HS6ST3: variants seen among roughly 807,000 people sequenced by gnomAD.
HS6ST3 encodes the protein heparan-sulfate 6-O-sulfotransferase 3.
Under a neutral mutation model 36.7 loss-of-function variants are expected in HS6ST3, and 12 were observed. The ratio of observed to expected loss-of-function variants is 0.33; its 90% CI spans 0.21 to 0.53. HS6ST3 has a LOEUF of 0.53. Among genes scored for constraint, HS6ST3 ranks in the 20% least tolerant of loss-of-function variants. The probability of loss-of-function intolerance (pLI) is 0.95; values close to 1 mark genes in which losing one functional copy is unlikely to be tolerated. For missense variants in HS6ST3, 584 were observed against 640.9 expected (o/e 0.91, Z 0.96); for synonymous variants, 240 against 257.5 (o/e 0.93, Z 0.65).
chr13:96,260,855 G>T (rs543486006), intron 1 of HS6ST3, among the ~76,000 whole-genome samples: 1 of 151,900 alleles, frequency 6.6e-6, no homozygotes, highest in Admixed American at 6.6e-5. Flanking sequence ...GGCCAGGCTG[G>T]TCGCGAACTT....
intron 1 of HS6ST3, among the ~76,000 whole-genome samples, chr13:96,473,683 G>A (rs1429982405): frequency 6.6e-6 from 1 of 152,154 alleles, no homozygotes; most frequent in Non-Finnish European, 1.5e-5. Context: ...TGCAGATGAT[G>A]GATGGCACTT....
intron 1 of HS6ST3, among the ~76,000 whole-genome samples, chr13:96,737,554 A>G (rs1033978705): frequency 2.1e-5 from 3 of 143,310 alleles, no homozygotes. Context: ...GAACCCGGGA[A>G]GCGGAGCTTG....
At chr13:96,815,631 A>G (rs544135438) in intron 1 of HS6ST3, among the ~76,000 whole-genome samples, 6 of 152,016 alleles carry the variant, frequency 3.9e-5, no homozygotes, top group Admixed American at 1.3e-4. Context: ...TCATTTAATC[A>G]CTCAATTTCT....
At chr13:96,603,129 A>C (rs371156153) in intron 1 of HS6ST3, among the ~76,000 whole-genome samples, 2 of 152,124 alleles carry the variant, frequency 1.3e-5, no homozygotes, top group Non-Finnish European at 2.9e-5. Context: ...CCTTCTCCAC[A>C]ATGCATTTTC....
intron 1 of HS6ST3, among the ~76,000 whole-genome samples, chr13:96,176,372 TAATA>T (rs1017472089): frequency 7.2e-5 from 11 of 152,142 alleles, no homozygotes; most frequent in Non-Finnish European, 5.9e-5. Context: ...GTATTCTAGA[TAATA>T]AATGGAGGAA....
intron 1 of HS6ST3, among the ~76,000 whole-genome samples, chr13:96,569,715 C>T (rs528758008): frequency 4.6e-5 from 7 of 152,148 alleles, no homozygotes; most frequent in Admixed American, 1.3e-4. Context: ...TGGTTGAATA[C>T]TCTAGCTGAA....
intron 1 of HS6ST3, among the ~76,000 whole-genome samples, chr13:96,535,598 G>A (rs2056152416): frequency 6.6e-6 from 1 of 151,866 alleles, no homozygotes; most frequent in Non-Finnish European, 1.5e-5. Context: ...TGAAATCTAG[G>A]TAGGGTTTGA....
intron 1 of HS6ST3, among the ~76,000 whole-genome samples, chr13:96,333,157 GACCAC>G (rs2055081171): frequency 6.6e-6 from 1 of 152,156 alleles, no homozygotes; most frequent in Non-Finnish European, 1.5e-5. Context: ...ACATTTATTT[GACCAC>G]ATCTACTTAA....
intron 1 of HS6ST3, among the ~76,000 whole-genome samples, chr13:96,564,319 A>G (rs1487539530): frequency 6.6e-6 from 1 of 152,180 alleles, no homozygotes; most frequent in African/African-American, 2.4e-5. Flanking sequence ...TGTCTTATAA[A>G]ATTACTTGAC....
At chr13:96,375,341 TG>T (rs1362556782) in intron 1 of HS6ST3, among the ~76,000 whole-genome samples, 1 of 152,204 alleles carries the variant, frequency 6.6e-6, no homozygotes, top group Admixed American at 6.5e-5. Flanking sequence ...TTTCTTGTTT[TG>T]TTTTTACTGT....
At chr13:96,437,013 A>T (rs527686244) in intron 1 of HS6ST3, among the ~76,000 whole-genome samples, 116 of 152,196 alleles carry the variant, frequency 7.6e-4, no homozygotes, top group Non-Finnish European at 1.4e-3. Flanking sequence ...TTCCTCACAA[A>T]TTCAATGGGG....
chr13:96,627,272 G>A (rs1241481490), intron 1 of HS6ST3, among the ~76,000 whole-genome samples: 2 of 151,970 alleles, frequency 1.3e-5, no homozygotes, highest in African/African-American at 4.8e-5. Context: ...ATGCTTTTGT[G>A]CATCTGCGTA....
At chr13:96,105,178 C>T (rs2053836016) in intron 1 of HS6ST3, among the ~76,000 whole-genome samples, 1 of 151,826 alleles carries the variant, frequency 6.6e-6, no homozygotes, top group Non-Finnish European at 1.5e-5. Context: ...TGTGCTGTCA[C>T]ACCCATGATG....
intron 1 of HS6ST3, among the ~76,000 whole-genome samples, chr13:96,541,649 T>A (rs1476219580): frequency 2.6e-5 from 4 of 152,132 alleles, no homozygotes; most frequent in Non-Finnish European, 5.9e-5. Context: ...AATGATAACT[T>A]TACTGAGAAG....
chr13:96,637,630 A>T (rs185805646), intron 1 of HS6ST3, among the ~76,000 whole-genome samples: 77 of 152,260 alleles, frequency 5.1e-4, no homozygotes, highest in African/African-American at 1.7e-3. Context: ...TAGAAGTTAC[A>T]TGGTAATTGG....
At chr13:96,257,357 G>C (rs1304712185) in intron 1 of HS6ST3, among the ~76,000 whole-genome samples, 1 of 152,136 alleles carries the variant, frequency 6.6e-6, no homozygotes, top group Non-Finnish European at 1.5e-5. Flanking sequence ...ATTATTTATA[G>C]ATTATTTGCA....
chr13:96,380,704 A>G (rs1164805247), intron 1 of HS6ST3, among the ~76,000 whole-genome samples: 2 of 152,352 alleles, frequency 1.3e-5, no homozygotes, highest in South Asian at 4.1e-4. Flanking sequence ...ATAAAGAAAT[A>G]GTTTTGGATA....
rs113776857 is a variant in HS6ST3 at position 96,201,325 on chromosome 13, G to A, written c.707+109756G>A. ...CATTTCAAATTTCTAAATTCCTTGC[G>A]TGGAGGAAGCCATCCTAGATTAGGC... On this transcript the variant is annotated intron_variant, in intron 1 of 1. Transcript: ENST00000376705. 9.7e-3 allele frequency among the ~76,000 whole-genome samples: 1,470 copies of A among 151,956 alleles called. 15 individuals are homozygous for A. Among genetic ancestry groups the A allele is most frequent in the South Asian group, 0.023 (112 of 4,806 alleles).
chr13:96,803,569 C>G (rs1210046748), intron 1 of HS6ST3, among the ~76,000 whole-genome samples: 1 of 152,132 alleles, frequency 6.6e-6, no homozygotes, highest in East Asian at 1.9e-4. Flanking sequence ...TTTTGTTTTT[C>G]TCTTTTAAGA....
Sources: allele counts gnomAD v4.1 joint callset (sites outside exome capture counted in the v4.1 genomes callset), GRCh38; gene constraint gnomAD v4.1.1; transcripts MANE v1.5; gene names NCBI Gene and HGNC (gene_info 2026-07-23, HGNC 2026-07-21).